RORA: variants seen among roughly 807,000 people sequenced by gnomAD.
The protein encoded by RORA is nuclear receptor ROR-alpha.
Under a neutral mutation model 69.5 loss-of-function variants are expected in RORA, and 7 were observed. The ratio of observed to expected loss-of-function variants is 0.10; its 90% CI spans 0.06 to 0.19. The LOEUF is 0.19. Among genes scored for constraint, RORA ranks in the 10% least tolerant of loss-of-function variants. The pLI, the probability that RORA is intolerant of heterozygous loss-of-function variation, is 1.00. For synonymous variants in RORA, 261 were observed against 240.8 expected, an observed-to-expected ratio of 1.08 and a Z score of -0.78; for missense variants, 457 against 663.0, an observed-to-expected ratio of 0.69 and a Z score of 3.41.
chr15:60,980,261 A>G (rs1039373539), intron 1 of RORA, among the ~76,000 whole-genome samples: 11 of 152,114 alleles, frequency 7.2e-5, no homozygotes, highest in Non-Finnish European at 1.5e-4. Flanking sequence ...CCCTTCTAAT[A>G]TGCTGTTGGA....
At chr15:60,649,459 G>A (rs1445051346) in intron 2 of RORA, among the ~76,000 whole-genome samples, 1 of 152,192 alleles carries the variant, frequency 6.6e-6, no homozygotes, top group Non-Finnish European at 1.5e-5. Context: ...ATGTGTATCT[G>A]AAAACTCTGC....
intron 1 of RORA, among the ~76,000 whole-genome samples, chr15:61,182,348 T>C (rs1414278676): frequency 6.6e-6 from 1 of 152,202 alleles, no homozygotes; most frequent in African/African-American, 2.4e-5. Flanking sequence ...GTTGTTGCCA[T>C]GATAGCAAAA....
Position 60,490,881 on chromosome 15 carries a change from T to A in RORA, c.*6574A>T, listed in dbSNP as rs1264115991. ...TATTAAAAGCCTTGTCTGGGGTTTG[T>A]CATATGTTAAATATTATTTAAAGTG... On this transcript the variant is annotated 3_prime_UTR_variant, in exon 11 of 11. Coordinates refer to ENST00000335670, the MANE Select transcript of RORA (RefSeq NM_134261.3). The surrounding 1 kb of genome is among the most constrained non-coding windows in gnomAD (Gnocchi z 4.1). 1 of 152,170 alleles carries A rather than the reference T, an allele frequency of 6.6e-6. No individual in the cohort carries two copies. The highest frequency in any genetic ancestry group is 1.9e-4 in the East Asian group (1 of 5,204). 9.4% of individuals were successfully genotyped at this position (152,170 alleles called of 1,614,324 possible).
At chr15:60,776,561 T>G (rs1020947808) in intron 1 of RORA, among the ~76,000 whole-genome samples, 1 of 152,134 alleles carries the variant, frequency 6.6e-6, no homozygotes, top group Non-Finnish European at 1.5e-5. Flanking sequence ...CCTTTTAAAT[T>G]ATGCAAACCA....
chr15:60,990,801 A>C lies in RORA; in HGVS notation c.166+238252T>G, dbSNP rs566395793. 4.6e-4 allele frequency among the ~76,000 whole-genome samples: 70 copies of C among 152,336 alleles called. No homozygotes were observed. In the South Asian group the frequency reaches 0.014, roughly 31 times the overall value. On this transcript the variant is annotated intron_variant, in intron 1 of 10. Coordinates refer to ENST00000335670, the MANE Select transcript of RORA (RefSeq NM_134261.3). ...ACCATTATTTAATACACATTTACTC[A>C]ATATTTGAGGGTGCCAAGCATGAAA...
At chr15:60,936,968 G>T (rs1892541790) in intron 1 of RORA, among the ~76,000 whole-genome samples, 1 of 152,076 alleles carries the variant, frequency 6.6e-6, no homozygotes, top group South Asian at 2.1e-4. Context: ...TGAAGGAAAG[G>T]GTATAGGTCT....
chr15:60,873,364 G>T (rs2073580387), intron 1 of RORA, among the ~76,000 whole-genome samples: 1 of 152,108 alleles, frequency 6.6e-6, no homozygotes. Context: ...TGGAATAAAT[G>T]AATGAATGAA....
chr15:61,131,313 T>C lies in RORA; in HGVS notation c.166+97740A>G, dbSNP rs543982130. Reference sequence around the variant, plus strand: ...GTGTATTTATCTGTTAATAAATAAATCCATGTTTTAAAAGTTTTGAATTGT... The same window carrying C: ...GTGTATTTATCTGTTAATAAATAAACCCATGTTTTAAAAGTTTTGAATTGT... On this transcript the variant is annotated intron_variant, in intron 1 of 10. Transcript: ENST00000335670. The surrounding 1 kb of genome is among the most constrained non-coding windows in gnomAD (Gnocchi z 4.2). 1.3e-5 allele frequency among the ~76,000 whole-genome samples: 2 copies of C among 152,248 alleles called. No individual in the cohort carries two copies. The highest frequency in any genetic ancestry group is 2.4e-5 in the African/African-American group (1 of 41,466).
chr15:60,560,674 C>G (rs1477106525), intron 2 of RORA, among the ~76,000 whole-genome samples: 1 of 152,228 alleles, frequency 6.6e-6, no homozygotes, highest in Non-Finnish European at 1.5e-5. Flanking sequence ...GAGCAAAACC[C>G]TGGGTGACAC....
intron 1 of RORA, among the ~76,000 whole-genome samples, chr15:61,186,009 C>T (rs936130040): frequency 3.9e-5 from 6 of 152,218 alleles, no homozygotes; most frequent in African/African-American, 1.2e-4. Flanking sequence ...TAAGAAAACA[C>T]ATCTGATTAT....
chr15:60,780,133 TAGAG>T (rs1459696171), intron 1 of RORA, among the ~76,000 whole-genome samples: 1 of 152,062 alleles, frequency 6.6e-6, no homozygotes, highest in African/African-American at 2.4e-5. Flanking sequence ...TAAAGATAAA[TAGAG>T]GGAGAGAATT....
At chr15:60,499,190 T>C (rs1006992823) in intron 10 of RORA, among the ~76,000 whole-genome samples, 2 of 152,210 alleles carry the variant, frequency 1.3e-5, no homozygotes, top group African/African-American at 4.8e-5. Flanking sequence ...TTAGTATATA[T>C]GGTCATCCTG....
intron 1 of RORA, among the ~76,000 whole-genome samples, chr15:60,761,376 T>C (rs560900557): frequency 1.3e-5 from 2 of 152,128 alleles, no homozygotes; most frequent in Admixed American, 1.3e-4. Flanking sequence ...TCTTTGATGA[T>C]TCAGAAGGCA....
intron 2 of RORA, among the ~76,000 whole-genome samples, chr15:60,649,022 G>A (rs1275078066): frequency 1.3e-5 from 2 of 152,058 alleles, no homozygotes; most frequent in Non-Finnish European, 2.9e-5. Flanking sequence ...CTTGGCTGTG[G>A]GGCACTCATA....
chr15:60,574,657 G>C (rs974675965), intron 2 of RORA, among the ~76,000 whole-genome samples: 2 of 152,200 alleles, frequency 1.3e-5, no homozygotes, highest in Non-Finnish European at 2.9e-5. Flanking sequence ...CTAAGTGCTT[G>C]TCACATGTGA....
chr15:60,810,491 T>C (rs1041925759), intron 1 of RORA, among the ~76,000 whole-genome samples: 4 of 152,150 alleles, frequency 2.6e-5, no homozygotes, highest in Non-Finnish European at 5.9e-5. Context: ...GAAACTTCAG[T>C]GTTGGGAAAT....
At position 61,116,913 on chromosome 15, in the gene RORA, C is replaced by T. The variant is rs956080249; in HGVS notation, c.166+112140G>A. Among the ~76,000 whole-genome samples, 3 of 152,136 alleles carry T rather than the reference C, an allele frequency of 2.0e-5. No homozygotes were observed. The South Asian group carries it at 6.2e-4, about 32-fold the overall frequency. On this transcript the variant is annotated intron_variant, in intron 1 of 10. Transcript: ENST00000335670. ...TCCAGGTGGGGAAGTTCATTTACCC[C>T]CTATCTGGTTTACGCTCACTTAAGG...
intron 1 of RORA, among the ~76,000 whole-genome samples, chr15:60,930,193 T>C (rs891697383): frequency 1.3e-5 from 2 of 152,172 alleles, no homozygotes; most frequent in East Asian, 3.9e-4. Flanking sequence ...TTCTGCATAG[T>C]AGATACAGAC....
At chr15:60,839,106 G>A (rs1372752000) in intron 1 of RORA, among the ~76,000 whole-genome samples, 1 of 151,950 alleles carries the variant, frequency 6.6e-6, no homozygotes, top group Non-Finnish European at 1.5e-5. Context: ...CACCGTGTTA[G>A]CCAGGATAGT....
Sources: gnomAD v4.1 joint callset for allele counts (sites outside exome capture counted in the v4.1 genomes callset) on GRCh38, gnomAD v4.1.1 for gene constraint, Gnocchi (gnomAD v3.1) non-coding constraint, MANE v1.5 for transcripts, NCBI Gene and HGNC (gene_info 2026-07-23, HGNC 2026-07-21) for gene names.